Variants in ARL17B observed in about 807,000 individuals in gnomAD.
ARL17B encodes ARF like GTPase 17B, also known as ADP-ribosylation factor-like protein 17.
At chr17:46,291,896 G>A (rs1366716330) in intron 4 of ARL17B, among the ~76,000 whole-genome samples, 6 of 151,364 alleles carry the variant, frequency 4.0e-5, no homozygotes, top group Non-Finnish European at 8.8e-5. Context: ...GGTAGGGGGA[G>A]GCTGCGATGG....
At chr17:46,291,969 C>CAAAAAAAAAAAAAAA (rs59554870) in intron 4 of ARL17B, among the ~76,000 whole-genome samples, 2 of 58,090 alleles carry the variant, frequency 3.4e-5, no homozygotes. Flanking sequence ...TCTCAAAAAG[C>CAAAAAAAAAAAAAAA]AAAAAAAAAA....
intron 4 of ARL17B, among the ~76,000 whole-genome samples, chr17:46,277,558 T>A (rs2049623204): frequency 6.6e-6 from 1 of 152,214 alleles, no homozygotes. Flanking sequence ...TGTCCTACCT[T>A]AACTCCCTCT....
chr17:46,288,613 TA>T (rs78756471), intron 4 of ARL17B, among the ~76,000 whole-genome samples: 18,875 of 149,332 alleles, frequency 0.13, 1,372 homozygotes, highest in East Asian at 0.27. Context: ...TCATATTTTT[TA>T]AAAAAAGTTT....
At chr17:46,286,760 C>T (rs546901905) in intron 4 of ARL17B, among the ~76,000 whole-genome samples, 19 of 152,324 alleles carry the variant, frequency 1.2e-4, no homozygotes, top group African/African-American at 4.6e-4. Context: ...ATTTGGCTTC[C>T]TAAATTATTA....
At chr17:46,283,901 G>A (rs67155855) in intron 4 of ARL17B, among the ~76,000 whole-genome samples, 9,823 of 150,430 alleles carry the variant, frequency 0.065, 275 homozygotes, top group Middle Eastern at 0.1. Context: ...TCATAGACAA[G>A]GTAAAGAATT....
rs1175527035 is a variant in ARL17B at position 46,311,707 on chromosome 17, TCA to T, written c.260-12044_260-12043del. 6.7e-5 allele frequency among the ~76,000 whole-genome samples: 5 copies of T among 74,764 alleles called. 1 individual carries two copies. The highest frequency in any genetic ancestry group is 1.5e-4 in the African/African-American group (4 of 26,472). The allele number at this position is 74,764 out of a possible 152,430, so 49.0% of individuals were successfully genotyped here. ...AGCAAAAGGCTTGTATAAAAATATT[TCA>T]GTTTTCCTCATCTAATAAGGCATAT... On this transcript the variant is annotated intron_variant, in intron 3 of 4. Coordinates refer to the ARL17B transcript ENST00000434041.
intron 4 of ARL17B, among the ~76,000 whole-genome samples, chr17:46,288,949 T>C (rs2668654): frequency 0.14 from 21,637 of 151,668 alleles, 1,886 homozygotes; most frequent in Non-Finnish European, 0.22. Context: ...AGGTGACCCA[T>C]CTCAGCCTCC....
intron 4 of ARL17B, among the ~76,000 whole-genome samples, chr17:46,280,828 C>T (rs2049743402): frequency 1.3e-5 from 2 of 152,178 alleles, no homozygotes; most frequent in Admixed American, 1.3e-4. Context: ...TCCGTCTTTG[C>T]CTTCCAAAGT....
intron 4 of ARL17B, among the ~76,000 whole-genome samples, chr17:46,276,951 G>T (rs1013270837): frequency 6.6e-6 from 1 of 151,464 alleles, no homozygotes; most frequent in African/African-American, 2.4e-5. Context: ...CTACAGGCAC[G>T]TGCCACCATG....
intron 4 of ARL17B, among the ~76,000 whole-genome samples, chr17:46,291,680 G>A (rs999756896): frequency 6.6e-6 from 1 of 151,854 alleles, no homozygotes; most frequent in African/African-American, 2.4e-5. Flanking sequence ...CAGCACTTTG[G>A]GAAGTCGAGG....
At chr17:46,287,274 G>C (rs1351132156) in intron 4 of ARL17B, among the ~76,000 whole-genome samples, 2 of 152,240 alleles carry the variant, frequency 1.3e-5, no homozygotes, top group East Asian at 3.8e-4. Context: ...TCCTCTGAAT[G>C]AATGTGTGCA....
chr17:46,276,573 T>C (rs2049592178), intron 4 of ARL17B, among the ~76,000 whole-genome samples: 2 of 152,170 alleles, frequency 1.3e-5, no homozygotes, highest in African/African-American at 4.8e-5. Flanking sequence ...CAAAGTGCAG[T>C]AATGAAAACA....
Position 46,308,802 on chromosome 17 carries a change from A to C in ARL17B, c.260-9137T>G, listed in dbSNP as rs2143688137. Among the ~76,000 whole-genome samples, 2 of 76,028 alleles carry C rather than the reference A, an allele frequency of 2.6e-5. 1 individual carries two copies. The allele number at this position is 76,028 out of a possible 152,430, so 49.9% of individuals were successfully genotyped here. On this transcript the variant is annotated intron_variant, in intron 3 of 4. Transcript: ENST00000434041. ...CACAAGTTTATAAAAAACAAACAAA[A>C]AAAGAGGCCCCAGCTGTGGTTGATC... is the stretch of plus-strand genomic sequence containing the variant.
chr17:46,292,832 A>G lies in ARL17B; in HGVS notation c.*21+6694T>C, dbSNP rs2050111751. On this transcript the variant is annotated intron_variant, in intron 4 of 4. Transcript: ENST00000570618. The stretch of plus-strand genomic sequence containing the variant: ...TTTGCCGAAGATCTTTCTGTCAATC[A>G]TTTACAATCATGTGCTGCAAAATGA... The G allele has an allele frequency of 2.5e-5, 2 of 79,636 alleles. 1 individual carries two copies. Among genetic ancestry groups the G allele is most frequent in the Non-Finnish European group, 7.6e-5 (2 of 26,414 alleles). The allele number at this position is 79,636 out of a possible 1,614,324, so 4.9% of individuals were successfully genotyped here.
At chr17:46,286,257 T>C (rs1315765697) in intron 4 of ARL17B, among the ~76,000 whole-genome samples, 2 of 152,246 alleles carry the variant, frequency 1.3e-5, no homozygotes, top group African/African-American at 4.8e-5. Flanking sequence ...TTTAGTATTT[T>C]TGATGTTAAG....
In ARL17B at chr17:46,304,626, T is replaced by C. The variant is rs2050451294; in HGVS notation, c.260-4961A>G. On this transcript the variant is annotated intron_variant, in intron 3 of 4. Coordinates refer to the ARL17B transcript ENST00000434041. ...GGGAGGGACAAACTCCATCACTGTATAACTGAAGAAATTTTTTTTTATGAA... is the reference window on the plus strand; with the variant it reads ...GGGAGGGACAAACTCCATCACTGTACAACTGAAGAAATTTTTTTTTATGAA... Among the ~76,000 whole-genome samples, 2 of 70,164 alleles carry C rather than the reference T, an allele frequency of 2.9e-5. 1 individual carries two copies. The highest frequency in any genetic ancestry group is 8.6e-5 in the Non-Finnish European group (2 of 23,310). 46.0% of individuals were successfully genotyped at this position (70,164 alleles called of 152,430 possible).
At chr17:46,291,620 T>A (rs1326597279) in intron 4 of ARL17B, among the ~76,000 whole-genome samples, 1 of 151,504 alleles carries the variant, frequency 6.6e-6, no homozygotes, top group Non-Finnish European at 1.5e-5. Context: ...AAATGTGTAA[T>A]ATGAAAAAAA....
At chr17:46,327,101 G>T (rs1433931676) in intron 3 of ARL17B, among the ~76,000 whole-genome samples, 1 of 86,500 alleles carries the variant, frequency 1.2e-5, no homozygotes, top group East Asian at 2.3e-4. Flanking sequence ...AAGAGTCAAA[G>T]ATAGCTGTCT....
At chr17:46,286,560 A>C (rs1376881173) in intron 4 of ARL17B, among the ~76,000 whole-genome samples, 1 of 152,264 alleles carries the variant, frequency 6.6e-6, no homozygotes, top group Non-Finnish European at 1.5e-5. Flanking sequence ...TGAAGAATCA[A>C]ATCTACCATT....
Sources: allele counts gnomAD v4.1 joint callset (sites outside exome capture counted in the v4.1 genomes callset), GRCh38; gene constraint gnomAD v4.1.1; transcripts MANE v1.5; gene names NCBI Gene and HGNC (gene_info 2026-07-23, HGNC 2026-07-21).